ANXA1: variants seen among roughly 807,000 people sequenced by gnomAD.
ANXA1 encodes annexin I (lipocortin I).
In ANXA1, 39 loss-of-function variants were observed where a neutral mutation model predicts 47.9. The observed-to-expected ratio is 0.81, with a 90% confidence interval of 0.63 to 1.06. The LOEUF is 1.06. Among genes scored for constraint, ANXA1 ranks in the 50% least tolerant of loss-of-function variants. The pLI is 0.00. For synonymous variants in ANXA1, 146 were observed against 142.5 expected (o/e 1.02, Z -0.17); for missense variants, 446 against 422.7 (o/e 1.06, Z -0.48).
intron 8 of ANXA1, 99 bp from the exon 9 acceptor site, chr9:73,165,017 C>A: frequency 2.2e-6 from 2 of 899,746 alleles, no homozygotes; most frequent in Non-Finnish European, 3.5e-6. Context: ...GTATTGGGCA[C>A]AAAGCGATTG....
At position 73,169,115 on chromosome 9, in the gene ANXA1, T is replaced by C. The variant is rs753289028; in HGVS notation, c.945T>C (p.Tyr315=). Residue 315 remains tyrosine, a synonymous_variant, in exon 12 of 13, where the codon TAT becomes TAC. Coordinates refer to ENST00000257497, the MANE Select transcript of ANXA1 (RefSeq NM_000700.3). ...ACATGAATGATATCAAAGCATTCTA[T>C]CAGAAGATGTATGGTATCTCCCTTT... is the stretch of plus-strand genomic sequence containing the variant. The part of the protein sequence containing the change: ...EIDMNDIKAF[Y]QKMYGISLCQ... The C allele has an allele frequency of 3.7e-6, 6 of 1,613,368 alleles. No individual in the cohort carries two copies. In the South Asian group the frequency reaches 6.6e-5, roughly 18 times the overall value.
At chr9:73,170,014 C>T (rs764516810) in intron 12 of ANXA1, 37 bp from the exon 13 acceptor site, 61 of 1,492,356 alleles carry the variant, frequency 4.1e-5, no homozygotes, top group Non-Finnish European at 4.8e-5. Context: ...ATTATGGTTT[C>T]GACTAACATT....
intron 1 of ANXA1, among the ~76,000 whole-genome samples, chr9:73,157,367 T>C (rs1342928738): frequency 1.3e-5 from 2 of 152,048 alleles, no homozygotes; most frequent in Non-Finnish European, 2.9e-5. Flanking sequence ...ATAAATGTAA[T>C]CATTGGCTGG....
chr9:73,166,981 T>G (rs1303038252), intron 10 of ANXA1, among the ~76,000 whole-genome samples: 1 of 152,156 alleles, frequency 6.6e-6, no homozygotes, highest in African/African-American at 2.4e-5. Flanking sequence ...TGTGCAACTC[T>G]TACTTTAGAC....
chr9:73,165,184 C>T lies in ANXA1; in HGVS notation c.681C>T (p.Thr227=). ...DVNVFNTILT[T]RSYPQLRRVF... The stretch of plus-strand genomic sequence containing the variant: ...ACGTGTTCAATACCATCCTTACCAC[C>T]AGAAGCTATCCACAACTTCGCAGAG... The change falls in exon 9 of 13, where the codon ACC becomes ACT. Residue 227 remains threonine (T), a synonymous_variant. Coordinates refer to ENST00000257497, the MANE Select transcript of ANXA1 (RefSeq NM_000700.3). 7 of 1,612,690 alleles carry T rather than the reference C, an allele frequency of 4.3e-6. No individual in the cohort carries two copies. The highest frequency in any genetic ancestry group is 5.9e-6 in the Non-Finnish European group (7 of 1,179,014).
At position 73,158,614 on chromosome 9, in the gene ANXA1, A is replaced by G; in HGVS notation, c.66+13A>G. 6.2e-7 allele frequency: 1 copy of G among 1,611,810 alleles called. No individual in the cohort carries two copies. The highest frequency in any genetic ancestry group is 1.1e-5 in the South Asian group (1 of 91,018). On this transcript the variant is annotated intron_variant, in intron 2 of 12. Transcript: ENST00000257497. ...GCAGGAATATGTTGTAAGTAGAGTGATAATAAAATTATGATTACAATATTG... is the reference window on the plus strand; with the variant it reads ...GCAGGAATATGTTGTAAGTAGAGTGGTAATAAAATTATGATTACAATATTG...
rs779021366 is a variant in ANXA1 at position 73,166,097 on chromosome 9, T to C, written c.707T>C (p.Val236Ala). ...TTRSYPQLRR[V>A]FQKYTKYSKH... Reference sequence around the variant, plus strand: ...ATCTTAGTTTGAATTTAATATTCAGTGTTTCAGAAATACACCAAGTACAGT... The same window carrying C: ...ATCTTAGTTTGAATTTAATATTCAGCGTTTCAGAAATACACCAAGTACAGT... The change falls in exon 10 of 13, where the codon GTG becomes GCG. Residue 236 changes from valine to alanine, a missense_variant and splice_region_variant. Coordinates refer to ENST00000257497, the MANE Select transcript of ANXA1 (RefSeq NM_000700.3). The C allele has an allele frequency of 5.0e-6, 8 of 1,598,192 alleles. No homozygotes were observed. Among genetic ancestry groups the C allele is most frequent in the Non-Finnish European group, 6.8e-6 (8 of 1,172,280 alleles).
intron 12 of ANXA1, among the ~76,000 whole-genome samples, chr9:73,169,800 C>T (rs1588228162): frequency 6.6e-6 from 1 of 151,906 alleles, no homozygotes; most frequent in South Asian, 2.1e-4. Context: ...ATATTTCATT[C>T]ATAGAAAATA....
rs765904278 is a variant in ANXA1 at position 73,166,134 on chromosome 9, G to C, written c.744G>C (p.Met248Ile). 6.2e-7 allele frequency: 1 copy of C among 1,612,468 alleles called. No homozygotes were observed. Among genetic ancestry groups the C allele is most frequent in the Non-Finnish European group, 8.5e-7 (1 of 1,179,088 alleles). Reference sequence around the variant, plus strand: ...ACACCAAGTACAGTAAGCATGACATGAACAAAGTTCTGGACCTGGAGTTGA... The same window carrying C: ...ACACCAAGTACAGTAAGCATGACATCAACAAAGTTCTGGACCTGGAGTTGA... ...QKYTKYSKHDMNKVLDLELKG... is the reference protein window; with the variant it reads ...QKYTKYSKHDINKVLDLELKG... The change falls in exon 10 of 13, where the codon ATG becomes ATC. Residue 248 changes from methionine (M) to isoleucine (I), a missense_variant. By Grantham distance (10) the Met-to-Ile change is conservative. Transcript: ENST00000257497.
intron 10 of ANXA1, among the ~76,000 whole-genome samples, chr9:73,166,443 C>G (rs1189433243): frequency 1.3e-5 from 2 of 152,026 alleles, no homozygotes; most frequent in Non-Finnish European, 2.9e-5. Context: ...CTACTTATAT[C>G]AAACAATGTA....
chr9:73,166,974 G>A (rs1032695853), intron 10 of ANXA1, among the ~76,000 whole-genome samples: 1 of 151,954 alleles, frequency 6.6e-6, no homozygotes, highest in Non-Finnish European at 1.5e-5. Context: ...ATTTGTTTGT[G>A]CAACTCTTAC....
At chr9:73,163,145 C>T (rs568017603) in intron 7 of ANXA1, among the ~76,000 whole-genome samples, 1 of 152,152 alleles carries the variant, frequency 6.6e-6, no homozygotes, top group East Asian at 1.9e-4. Context: ...AGGTGCCAGC[C>T]TCGTTAACAA....
rs201041541 is a variant in ANXA1 at position 73,158,611 on chromosome 9, G to A, written c.66+10G>A. The A allele has an allele frequency of 1.2e-5, 20 of 1,612,120 alleles. No homozygotes were observed. In the East Asian group the frequency reaches 3.3e-4, roughly 27 times the overall value. Reference sequence around the variant, plus strand: ...AGAGCAGGAATATGTTGTAAGTAGAGTGATAATAAAATTATGATTACAATA... The same window carrying A: ...AGAGCAGGAATATGTTGTAAGTAGAATGATAATAAAATTATGATTACAATA... On this transcript the variant is annotated intron_variant, in intron 2 of 12. Coordinates refer to ENST00000257497, the MANE Select transcript of ANXA1 (RefSeq NM_000700.3).
chr9:73,169,364 T>G (rs1824286902), intron 12 of ANXA1, among the ~76,000 whole-genome samples: 1 of 152,152 alleles, frequency 6.6e-6, no homozygotes, highest in Non-Finnish European at 1.5e-5. Flanking sequence ...ATTTTTCAAC[T>G]AAAGTCATGG....
At chr9:73,161,917 T>C (rs1824149563) in intron 6 of ANXA1, among the ~76,000 whole-genome samples, 1 of 152,140 alleles carries the variant, frequency 6.6e-6, no homozygotes, top group South Asian at 2.1e-4. Context: ...TATAAAGAAA[T>C]ATCTGAGACC....
At chr9:73,162,019 A>G (rs934737628) in intron 6 of ANXA1, among the ~76,000 whole-genome samples, 5 of 152,186 alleles carry the variant, frequency 3.3e-5, no homozygotes, top group African/African-American at 1.2e-4. Context: ...TACTCATGGC[A>G]GAAAGCAGAC....
chr9:73,167,786 G>A, intron 11 of ANXA1: 1 of 451,478 alleles, frequency 2.2e-6, no homozygotes. Context: ...GTGATTTACG[G>A]CTCACTTGTG....
At chr9:73,153,736 T>C (rs1267772165) in intron 1 of ANXA1, among the ~76,000 whole-genome samples, 1 of 152,242 alleles carries the variant, frequency 6.6e-6, no homozygotes, top group Non-Finnish European at 1.5e-5. Context: ...TGATACATGA[T>C]ATTCATTCAA....
Position 73,165,162 on chromosome 9 carries a change from T to C in ANXA1, c.659T>C (p.Val220Ala). 1 of 1,612,888 alleles carries C rather than the reference T, an allele frequency of 6.2e-7. No individual in the cohort carries two copies. The highest frequency in any genetic ancestry group is 8.5e-7 in the Non-Finnish European group (1 of 1,179,164). Residue 220 changes from valine to alanine, a missense_variant, in exon 9 of 13, where the codon GTG (valine) becomes GCG (alanine). Physicochemically the swap from Val to Ala is moderately conservative, Grantham distance 64. Transcript: ENST00000257497. ...AGGAGAAAGGGGACAGACGTAAACG[T>C]GTTCAATACCATCCTTACCACCAGA... is the stretch of plus-strand genomic sequence containing the variant. ...GERRKGTDVN[V>A]FNTILTTRSY...
Sources: gnomAD v4.1 joint callset for allele counts (sites outside exome capture counted in the v4.1 genomes callset) on GRCh38, gnomAD v4.1.1 for gene constraint, MANE v1.5 for transcripts, NCBI Gene and HGNC (gene_info 2026-07-23, HGNC 2026-07-21) for gene names.